RANBP2: variants seen among roughly 807,000 people sequenced by gnomAD.
RANBP2 encodes the protein RAN binding protein 2.
Under a neutral mutation model 303.6 loss-of-function variants are expected in RANBP2, and 57 were observed. That is an observed-to-expected ratio of 0.19 (90% CI 0.15 to 0.23). The LOEUF (loss-of-function observed/expected upper bound fraction) is 0.23, where lower values mean the gene tolerates loss of function less well. Ranked by LOEUF, RANBP2 falls within the 10% of genes least tolerant of loss-of-function variation. The probability of loss-of-function intolerance (pLI) is 1.00; values close to 1 mark genes in which losing one functional copy is unlikely to be tolerated. For synonymous variants in RANBP2, 1,167 were observed against 1,301.5 expected (o/e 0.90, Z 2.23); for missense variants, 3,138 against 3,780.8 (o/e 0.83, Z 4.46).
chr2:109,468,585 A>G, the RANBP2 span, among the ~76,000 whole-genome samples: 39 of 152,202 alleles, frequency 2.6e-4, no homozygotes, highest in African/African-American at 9.2e-4. Context: ...CCGGTGTGGT[A>G]GCTCACGCCT....
At chr2:109,249,815 C>T in the RANBP2 span, among the ~76,000 whole-genome samples, 1 of 151,532 alleles carries the variant, frequency 6.6e-6, no homozygotes, top group Non-Finnish European at 1.5e-5. Context: ...CGCCACCGCG[C>T]CCGGCTAATT....
At chr2:109,459,307 G>C in the RANBP2 span, among the ~76,000 whole-genome samples, 1 of 152,102 alleles carries the variant, frequency 6.6e-6, no homozygotes, top group Non-Finnish European at 1.5e-5. Context: ...CATTTCTGTA[G>C]CTGTTCACAT....
At chr2:108,737,938 TCTC>T (rs1695748158) in intron 6 of RANBP2, among the ~76,000 whole-genome samples, 1 of 151,534 alleles carries the variant, frequency 6.6e-6, no homozygotes. Context: ...ATGGTCTCGA[TCTC>T]CTGACCTCGT....
At chr2:109,684,910 G>A in the RANBP2 span, among the ~76,000 whole-genome samples, 1 of 151,616 alleles carries the variant, frequency 6.6e-6, no homozygotes, top group Non-Finnish European at 1.5e-5. Flanking sequence ...GTCTCGCTCT[G>A]TCACCCAGGC....
chr2:109,509,644 C>T, the RANBP2 span, among the ~76,000 whole-genome samples: 79 of 152,080 alleles, frequency 5.2e-4, no homozygotes, highest in East Asian at 1.2e-3. Context: ...ATCCATCACC[C>T]GAATAACATA....
the RANBP2 span, among the ~76,000 whole-genome samples, chr2:109,384,009 C>T: frequency 3.3e-5 from 5 of 152,314 alleles, no homozygotes; most frequent in East Asian, 5.8e-4. Flanking sequence ...CAAATGAAGG[C>T]AGCCCATCCT....
the RANBP2 span, among the ~76,000 whole-genome samples, chr2:109,551,507 G>A: frequency 2.0e-5 from 3 of 152,134 alleles, no homozygotes; most frequent in Non-Finnish European, 4.4e-5. Context: ...AAAAAGGAAC[G>A]ATTTTGAAAG....
At chr2:109,390,754 G>A in the RANBP2 span, among the ~76,000 whole-genome samples, 8 of 152,212 alleles carry the variant, frequency 5.3e-5, no homozygotes, top group African/African-American at 1.9e-4. Flanking sequence ...TTGGTTTTGA[G>A]GGCTGGCTTG....
chr2:108,827,814 T>TAAA, the RANBP2 span, among the ~76,000 whole-genome samples: 1 of 134,110 alleles, frequency 7.5e-6, no homozygotes, highest in Non-Finnish European at 1.6e-5. Context: ...AGAATATGTC[T>TAAA]AAAAAAAAAA....
chr2:109,012,997 G>C, the RANBP2 span, among the ~76,000 whole-genome samples: 3 of 152,190 alleles, frequency 2.0e-5, no homozygotes, highest in African/African-American at 7.2e-5. Context: ...AACCTGCCAG[G>C]ACTCTTTAAA....
At chr2:108,990,549 T>C in the RANBP2 span, among the ~76,000 whole-genome samples, 3 of 151,976 alleles carry the variant, frequency 2.0e-5, no homozygotes, top group Admixed American at 6.5e-5. Context: ...TGAGCCGAGA[T>C]TGTGCCACTG....
the RANBP2 span, among the ~76,000 whole-genome samples, chr2:109,513,798 CAGGGGTGT>C: frequency 6.6e-6 from 1 of 152,154 alleles, no homozygotes; most frequent in Admixed American, 6.5e-5. Context: ...AGGATGTGGC[CAGGGGTGT>C]AGGGGATTGG....
At chr2:109,105,584 T>C in the RANBP2 span, among the ~76,000 whole-genome samples, 1 of 152,244 alleles carries the variant, frequency 6.6e-6, no homozygotes, top group East Asian at 1.9e-4. Flanking sequence ...AGATGAAGTC[T>C]TGCTCTGTTG....
At chr2:108,786,895 G>A, downstream of RANBP2, 3 of 1,554,166 alleles carry the variant, frequency 1.9e-6, no homozygotes, top group African/African-American at 2.8e-5. Flanking sequence ...CTACGGACTC[G>A]GGGGCAGCTG....
the RANBP2 span, among the ~76,000 whole-genome samples, chr2:109,401,247 G>A: frequency 6.6e-6 from 1 of 152,222 alleles, no homozygotes; most frequent in East Asian, 1.9e-4. Flanking sequence ...GCAACTGTTG[G>A]CGATGTGAAC....
chr2:109,391,089 G>C, the RANBP2 span, among the ~76,000 whole-genome samples: 1 of 152,224 alleles, frequency 6.6e-6, no homozygotes, highest in South Asian at 2.1e-4. Flanking sequence ...ATAAGAGGGG[G>C]CTGAAATGAA....
chr2:109,091,964 G>A, the RANBP2 span, among the ~76,000 whole-genome samples: 2 of 152,044 alleles, frequency 1.3e-5, no homozygotes, highest in Non-Finnish European at 2.9e-5. Flanking sequence ...TCCCTAACTA[G>A]TAGGAAGAGT....
the RANBP2 span, among the ~76,000 whole-genome samples, chr2:109,611,032 A>G: frequency 6.6e-6 from 1 of 152,210 alleles, no homozygotes; most frequent in Non-Finnish European, 1.5e-5. Context: ...AAACAGACCC[A>G]CACAAATATG....
the RANBP2 span, among the ~76,000 whole-genome samples, chr2:108,990,259 G>A: frequency 5.9e-5 from 9 of 151,416 alleles, no homozygotes; most frequent in South Asian, 2.1e-4. Context: ...GTGAAACCCC[G>A]TCTCTACTAA....
Sources: gnomAD v4.1 joint callset for allele counts (sites outside exome capture counted in the v4.1 genomes callset) on GRCh38, gnomAD v4.1.1 for gene constraint, MANE v1.5 for transcripts, NCBI Gene and HGNC (gene_info 2026-07-23, HGNC 2026-07-21) for gene names.